DLGAP1: variants seen among roughly 807,000 people sequenced by gnomAD.
DLGAP1 encodes the protein DLG associated protein 1, also known as disks large-associated protein 1.
A neutral mutation model predicts 90.8 loss-of-function variants in DLGAP1; 11 were observed. That is an observed-to-expected ratio of 0.12 (90% CI 0.08 to 0.20). The LOEUF (loss-of-function observed/expected upper bound fraction) is 0.20. DLGAP1 is among the 10% of genes least tolerant of loss of function. The pLI is 1.00. For missense variants in DLGAP1, 1,050 were observed against 1,333.8 expected (o/e 0.79, Z 3.31); for synonymous variants, 558 against 540.7 (o/e 1.03, Z -0.44).
chr18:3,523,801 T>G (rs952503219), intron 10 of DLGAP1, among the ~76,000 whole-genome samples: 3 of 145,774 alleles, frequency 2.1e-5, no homozygotes, highest in African/African-American at 5.1e-5. Flanking sequence ...TGAGCTGAGA[T>G]AGCGCCACTG....
intron 1 of DLGAP1, among the ~76,000 whole-genome samples, chr18:4,423,443 T>C (rs538751170): frequency 6.6e-6 from 1 of 152,338 alleles, no homozygotes; most frequent in East Asian, 1.9e-4. Context: ...GTGCACGGCA[T>C]TTCACATCAA....
chr18:4,384,403 T>C (rs2082190100), intron 1 of DLGAP1, among the ~76,000 whole-genome samples: 1 of 152,188 alleles, frequency 6.6e-6, no homozygotes, highest in South Asian at 2.1e-4. Context: ...ATAACCATCT[T>C]TGTGTTCATG....
chr18:3,539,253 A>AT (rs1422986997), intron 9 of DLGAP1, among the ~76,000 whole-genome samples: 1 of 152,136 alleles, frequency 6.6e-6, no homozygotes, highest in Non-Finnish European at 1.5e-5. Flanking sequence ...TAATTTCTTT[A>AT]TTTTTTGAAA....
At chr18:4,016,165 C>T (rs1003586634) in intron 2 of DLGAP1, among the ~76,000 whole-genome samples, 1 of 152,068 alleles carries the variant, frequency 6.6e-6, no homozygotes, top group Non-Finnish European at 1.5e-5. Context: ...AGATATTTAG[C>T]CTTCAATTTT....
intron 3 of DLGAP1, among the ~76,000 whole-genome samples, chr18:3,948,099 G>A (rs1300101879): frequency 4.6e-5 from 7 of 152,168 alleles, no homozygotes; most frequent in East Asian, 1.9e-4. Flanking sequence ...CTGGGGCTTC[G>A]TTAGGAACAC....
At chr18:3,841,412 G>A (rs1000604717) in intron 4 of DLGAP1, among the ~76,000 whole-genome samples, 1 of 152,152 alleles carries the variant, frequency 6.6e-6, no homozygotes, top group Admixed American at 6.5e-5. Context: ...AATACACTCA[G>A]GGCTGACTAT....
intron 10 of DLGAP1, among the ~76,000 whole-genome samples, chr18:3,516,284 G>A (rs936791835): frequency 6.6e-6 from 1 of 151,682 alleles, no homozygotes; most frequent in South Asian, 2.1e-4. Context: ...AAATTTATGG[G>A]GTACAGGAGA....
intron 1 of DLGAP1, among the ~76,000 whole-genome samples, chr18:4,224,627 G>T (rs1175606249): frequency 1.4e-4 from 21 of 151,780 alleles, no homozygotes; most frequent in Admixed American, 1.4e-3. Flanking sequence ...GTGGAAAGGG[G>T]AGAGAAGAGT....
intron 3 of DLGAP1, among the ~76,000 whole-genome samples, chr18:3,975,067 A>G (rs1048704597): frequency 6.6e-6 from 1 of 152,138 alleles, no homozygotes; most frequent in Non-Finnish European, 1.5e-5. Flanking sequence ...ATGGGTACAG[A>G]GTTTCAGTTT....
intron 1 of DLGAP1, among the ~76,000 whole-genome samples, chr18:4,373,591 T>G (rs2081960252): frequency 6.6e-6 from 1 of 152,222 alleles, no homozygotes; most frequent in African/African-American, 2.4e-5. Flanking sequence ...TACACGCATA[T>G]GAACAATCAC....
intron 7 of DLGAP1, among the ~76,000 whole-genome samples, chr18:3,725,213 C>T (rs1161774750): frequency 6.6e-6 from 1 of 152,112 alleles, no homozygotes; most frequent in Non-Finnish European, 1.5e-5. Flanking sequence ...ATAATTAGAT[C>T]ACCACATATG....
At chr18:4,028,376 C>T (rs1466867389) in intron 2 of DLGAP1, among the ~76,000 whole-genome samples, 2 of 152,196 alleles carry the variant, frequency 1.3e-5, no homozygotes, top group Non-Finnish European at 2.9e-5. Flanking sequence ...TCTGAGGGGG[C>T]ATCAGCCTCC....
intron 4 of DLGAP1, among the ~76,000 whole-genome samples, chr18:3,830,216 G>A (rs2067955931): frequency 6.6e-6 from 1 of 152,164 alleles, no homozygotes; most frequent in Non-Finnish European, 1.5e-5. Context: ...TTTATTTCTT[G>A]TTGACAAATG....
At chr18:3,951,948 G>A (rs942617990) in intron 3 of DLGAP1, among the ~76,000 whole-genome samples, 2 of 152,132 alleles carry the variant, frequency 1.3e-5, no homozygotes, top group African/African-American at 4.8e-5. Flanking sequence ...TTATAGCAGT[G>A]TGAAAATGGA....
In DLGAP1 at chr18:3,711,713, C is replaced by T. The variant is rs146153114; in HGVS notation, c.1591+17422G>A. 6.6e-6 allele frequency among the ~76,000 whole-genome samples: 1 copy of T among 152,260 alleles called. No homozygotes were observed. The highest frequency in any genetic ancestry group is 1.9e-4 in the East Asian group (1 of 5,180). On this transcript the variant is annotated intron_variant, in intron 7 of 12. Coordinates refer to ENST00000315677, the MANE Select transcript of DLGAP1 (RefSeq NM_004746.4). This position sits in a 1 kb window ranked among gnomAD's most constrained non-coding sequence, Gnocchi z 4.0. ...AATATTAGCTGGCTCAGTGGCACCACCTGTGGTCCCAGCTACTTGGGAGGC... is the reference window on the plus strand; with the variant it reads ...AATATTAGCTGGCTCAGTGGCACCATCTGTGGTCCCAGCTACTTGGGAGGC...
chr18:3,840,404 T>C (rs1272016912), intron 4 of DLGAP1, among the ~76,000 whole-genome samples: 2 of 152,186 alleles, frequency 1.3e-5, no homozygotes, highest in East Asian at 3.9e-4. Flanking sequence ...CCTTGTCCCA[T>C]GGTCCCTTTC....
At position 3,567,489 on chromosome 18, in the gene DLGAP1, C is replaced by G. The variant is rs2054503973; in HGVS notation, c.2057+1G>C. 1 of 1,613,198 alleles carries G rather than the reference C, an allele frequency of 6.2e-7. No homozygotes were observed. The highest frequency in any genetic ancestry group is 1.3e-5 in the African/African-American group (1 of 74,892). On this transcript the variant is annotated splice_donor_variant, in intron 9 of 12. Coordinates refer to ENST00000315677, the MANE Select transcript of DLGAP1 (RefSeq NM_004746.4). LOFTEE classifies it high-confidence loss of function. ...AAGAGGATGCGTGCATGTGGACTTA[C>G]CACTTCTCTTCTTCTACTTGCACTC... is the stretch of plus-strand genomic sequence containing the variant.
At chr18:3,903,813 T>G (rs2071837226) in intron 3 of DLGAP1, among the ~76,000 whole-genome samples, 1 of 152,240 alleles carries the variant, frequency 6.6e-6, no homozygotes, top group Non-Finnish European at 1.5e-5. Context: ...AATTTGTTGT[T>G]TTGTTTCATA....
At chr18:3,786,468 G>A (rs907168899) in intron 5 of DLGAP1, among the ~76,000 whole-genome samples, 8 of 152,308 alleles carry the variant, frequency 5.3e-5, no homozygotes, top group African/African-American at 1.9e-4. Context: ...TGGGCTTAGT[G>A]AATAATATCT....
Sources: allele counts gnomAD v4.1 joint callset (sites outside exome capture counted in the v4.1 genomes callset), GRCh38; gene constraint gnomAD v4.1.1; non-coding constraint Gnocchi (gnomAD v3.1); transcripts MANE v1.5; gene names NCBI Gene and HGNC (gene_info 2026-07-23, HGNC 2026-07-21).